Variants in EYS observed in about 807,000 individuals in gnomAD.
EYS encodes the protein EGF-like photoreceptor maintenance factor.
EYS carries 250 observed loss-of-function variants against 282.1 expected under a neutral mutation model. That is an observed-to-expected ratio of 0.89 (90% CI 0.80 to 0.98). The LOEUF (loss-of-function observed/expected upper bound fraction) is 0.98, where lower values mean the gene tolerates loss of function less well. Ranked by LOEUF, EYS falls within the 50% of genes least tolerant of loss-of-function variation. The pLI is 0.00. For missense variants in EYS, 4,016 were observed against 3,709.0 expected, an observed-to-expected ratio of 1.08 and a Z score of -2.15; for synonymous variants, 1,355 against 1,282.9, an observed-to-expected ratio of 1.06 and a Z score of -1.20.
intron 30 of EYS, among the ~76,000 whole-genome samples, chr6:64,245,932 T>C (rs954074789): frequency 1.2e-4 from 17 of 136,990 alleles, no homozygotes; most frequent in African/African-American, 3.9e-4. Flanking sequence ...GGCAGGAGAA[T>C]GGCGTGAACC....
chr6:65,702,742 G>A (rs1054936833), intron 1 of EYS, among the ~76,000 whole-genome samples: 3 of 151,330 alleles, frequency 2.0e-5, no homozygotes, highest in Non-Finnish European at 4.4e-5. Flanking sequence ...AATATATAAG[G>A]CAGTGTATAA....
At chr6:65,331,693 T>A in intron 11 of EYS, 1 of 980,056 alleles carries the variant, frequency 1.0e-6, no homozygotes, top group Non-Finnish European at 1.2e-6. Flanking sequence ...ATTTTCTTAG[T>A]AAATAAAAAA....
intron 9 of EYS, among the ~76,000 whole-genome samples, chr6:65,345,949 T>C (rs192773705): frequency 1.2e-3 from 187 of 151,946 alleles, no homozygotes; most frequent in African/African-American, 4.3e-3. Flanking sequence ...AATCTGATAC[T>C]AAGGTGGGCT....
intron 2 of EYS, among the ~76,000 whole-genome samples, chr6:65,608,476 C>T (rs796340136): frequency 6.6e-6 from 1 of 150,848 alleles, no homozygotes; most frequent in African/African-American, 2.4e-5. Context: ...AAACACTGTA[C>T]ACTTTATAAA....
rs556953324 is a variant in EYS at position 64,594,599 on chromosome 6, C to A, written c.3685-1290G>T. 7.3e-5 allele frequency among the ~76,000 whole-genome samples: 11 copies of A among 150,044 alleles called. No homozygotes were observed. The East Asian group carries it at 2.0e-3, about 27-fold the overall frequency. On this transcript the variant is annotated intron_variant, in intron 24 of 42. Coordinates refer to ENST00000503581, the MANE Select transcript of EYS (RefSeq NM_001142800.2). ...AGCAAACTATCGCAAGGACAAAAAA[C>A]CAAACACTGCATGTTCTTACTCACA...
chr6:63,834,268 C>G (rs1054715290), intron 36 of EYS, among the ~76,000 whole-genome samples: 2 of 152,072 alleles, frequency 1.3e-5, no homozygotes, highest in Admixed American at 1.3e-4. Flanking sequence ...TGAGAGTGAA[C>G]AGGCACCCTA....
rs886647221 is a variant in EYS, at chr6:64,069,704, T to C, written c.6572-3213A>G. On this transcript the variant is annotated intron_variant, in intron 32 of 42. Transcript: ENST00000503581. ...ATAAAGTATTTAAAAAAGAAAATTA[T>C]ATGAAATGAGTGGTTCTCAAACTCT... 2.0e-5 allele frequency among the ~76,000 whole-genome samples: 3 copies of C among 152,172 alleles called. No individual in the cohort carries two copies. In the East Asian group the frequency reaches 5.8e-4, roughly 29 times the overall value.
At chr6:65,061,226 T>C (rs1312710500) in intron 12 of EYS, among the ~76,000 whole-genome samples, 1 of 151,936 alleles carries the variant, frequency 6.6e-6, no homozygotes, top group Admixed American at 6.6e-5. Flanking sequence ...TTTGATTCAG[T>C]GAGCTGTAGT....
intron 8 of EYS, among the ~76,000 whole-genome samples, chr6:65,360,910 T>C (rs1490307497): frequency 2.0e-5 from 3 of 152,098 alleles, no homozygotes; most frequent in Non-Finnish European, 4.4e-5. Context: ...GATGAAGGCA[T>C]GTATTGGGAT....
rs551178934 is a variant in EYS, at chr6:64,571,207, G to C, written c.5644+19016C>G. Reference sequence around the variant, plus strand: ...CTAGTTAAATAACAAAATTAAGGCAGAAATAAAGAAGTTATTTGAAACCAA... The same window carrying C: ...CTAGTTAAATAACAAAATTAAGGCACAAATAAAGAAGTTATTTGAAACCAA... On this transcript the variant is annotated intron_variant, in intron 26 of 42. Coordinates refer to ENST00000503581, the MANE Select transcript of EYS (RefSeq NM_001142800.2). 4.6e-4 allele frequency among the ~76,000 whole-genome samples: 70 copies of C among 152,234 alleles called. No individual in the cohort carries two copies. The South Asian group carries it at 0.011, about 23-fold the overall frequency.
At chr6:64,609,942 A>AT (rs1160702422) in intron 24 of EYS, among the ~76,000 whole-genome samples, 1 of 151,232 alleles carries the variant, frequency 6.6e-6, no homozygotes, top group African/African-American at 2.4e-5. Context: ...TAATATAGTT[A>AT]TTTATCTTAA....
At chr6:63,746,573 T>C (rs981567960) in intron 41 of EYS, among the ~76,000 whole-genome samples, 2 of 152,224 alleles carry the variant, frequency 1.3e-5, no homozygotes, top group African/African-American at 4.8e-5. Context: ...TTTTGGTTGG[T>C]AGTCTATTAA....
intron 19 of EYS, among the ~76,000 whole-genome samples, chr6:64,845,395 C>T (rs1416471705): frequency 2.0e-5 from 3 of 152,092 alleles, no homozygotes; most frequent in Admixed American, 2.0e-4. Context: ...TTCTAATATA[C>T]ACATCTTGGT....
intron 29 of EYS, among the ~76,000 whole-genome samples, chr6:64,326,815 C>T (rs1055299182): frequency 2.8e-5 from 2 of 71,202 alleles, no homozygotes; most frequent in Non-Finnish European, 6.0e-5. Flanking sequence ...GCAGGATGGT[C>T]ACGGGAGCAT....
chr6:65,261,873 T>C (rs184158672), intron 12 of EYS, among the ~76,000 whole-genome samples: 23 of 152,216 alleles, frequency 1.5e-4, no homozygotes, highest in Non-Finnish European at 2.5e-4. Flanking sequence ...AAACAGTCTA[T>C]AGCTGTTCTG....
intron 13 of EYS, among the ~76,000 whole-genome samples, chr6:65,007,994 A>G (rs541604131): frequency 1.3e-5 from 2 of 152,308 alleles, no homozygotes; most frequent in African/African-American, 2.4e-5. Context: ...GATCTCTGGT[A>G]TATCAGTCAG....
At chr6:64,926,670 A>G (rs150947280) in intron 15 of EYS, among the ~76,000 whole-genome samples, 119 of 152,182 alleles carry the variant, frequency 7.8e-4, no homozygotes, top group African/African-American at 2.8e-3. Context: ...TTTAACTCTT[A>G]TGTTGATCTC....
intron 16 of EYS, among the ~76,000 whole-genome samples, chr6:64,904,331 GT>G (rs1767759847): frequency 6.6e-6 from 1 of 152,146 alleles, no homozygotes; most frequent in African/African-American, 2.4e-5. Context: ...TACGCTAGGT[GT>G]TGTATCCTCA....
intron 37 of EYS, among the ~76,000 whole-genome samples, chr6:63,798,985 G>GTATA (rs1211498823): frequency 0.061 from 5,266 of 86,764 alleles, 148 homozygotes; most frequent in African/African-American, 0.095. Context: ...ATGTATATGT[G>GTATA]TGTATATATA....
Sources: allele counts gnomAD v4.1 joint callset (sites outside exome capture counted in the v4.1 genomes callset), GRCh38; gene constraint gnomAD v4.1.1; transcripts MANE v1.5; gene names NCBI Gene and HGNC (gene_info 2026-07-23, HGNC 2026-07-21).